SEMA3C: variants seen among roughly 807,000 people sequenced by gnomAD.
SEMA3C encodes the protein semaphorin 3C, also known as semaphorin-3C.
Under a neutral mutation model 89.4 loss-of-function variants are expected in SEMA3C, and 47 were observed. The ratio of observed to expected loss-of-function variants is 0.53; its 90% confidence interval spans 0.42 to 0.67. SEMA3C has a LOEUF of 0.67. Among genes scored for constraint, SEMA3C ranks in the 30% least tolerant of loss-of-function variants. The probability of loss-of-function intolerance (pLI) is 0.00; values close to 1 mark genes in which losing one functional copy is unlikely to be tolerated. For synonymous variants in SEMA3C, 310 were observed against 320.2 expected (o/e 0.97, Z 0.34); for missense variants, 839 against 929.1 (o/e 0.90, Z 1.26).
chr7:80,910,096 C>G (rs1052003151), intron 2 of SEMA3C, among the ~76,000 whole-genome samples: 1 of 152,140 alleles, frequency 6.6e-6, no homozygotes, highest in Non-Finnish European at 1.5e-5. Context: ...TCTATACAAG[C>G]ACTGCTCATA....
intron 2 of SEMA3C, among the ~76,000 whole-genome samples, chr7:80,845,445 A>T (rs982651204): frequency 4.6e-5 from 7 of 152,092 alleles, no homozygotes; most frequent in Non-Finnish European, 1.0e-4. Context: ...AATACAAGGC[A>T]GTATATGATA....
intron 2 of SEMA3C, among the ~76,000 whole-genome samples, chr7:80,835,451 G>A (rs770029993): frequency 1.8e-4 from 27 of 152,102 alleles, no homozygotes; most frequent in Non-Finnish European, 3.7e-4. Context: ...CAGAGATATT[G>A]CTACTGACAG....
intron 2 of SEMA3C, among the ~76,000 whole-genome samples, chr7:80,877,785 AT>A (rs1040308114): frequency 6.6e-6 from 1 of 151,354 alleles, no homozygotes; most frequent in African/African-American, 2.4e-5. Flanking sequence ...TATATTTTTA[AT>A]TTTTTTTTCA....
At chr7:80,757,166 T>C (rs372389885) in intron 15 of SEMA3C, among the ~76,000 whole-genome samples, 2 of 152,198 alleles carry the variant, frequency 1.3e-5, no homozygotes, top group Non-Finnish European at 2.9e-5. Flanking sequence ...ATAAAAACCA[T>C]AAAGCACCAT....
chr7:80,916,570 T>C, intron 2 of SEMA3C, 109 bp downstream of exon 2: 1 of 970,722 alleles, frequency 1.0e-6, no homozygotes, highest in Non-Finnish European at 1.4e-6. Flanking sequence ...GTAAATATTT[T>C]TAAAATTAAT....
At chr7:80,793,035 G>A (rs1583882557) in intron 11 of SEMA3C, among the ~76,000 whole-genome samples, 2 of 152,114 alleles carry the variant, frequency 1.3e-5, no homozygotes, top group African/African-American at 2.4e-5. Context: ...TAACTAGGCT[G>A]GTGTTTCATT....
At chr7:80,844,967 G>T (rs1029216249) in intron 2 of SEMA3C, among the ~76,000 whole-genome samples, 3 of 152,084 alleles carry the variant, frequency 2.0e-5, no homozygotes, top group African/African-American at 7.2e-5. Flanking sequence ...CTTTGTCAGG[G>T]GGTTCATGAT....
intron 15 of SEMA3C, among the ~76,000 whole-genome samples, chr7:80,755,761 T>C (rs1363341607): frequency 1.3e-5 from 2 of 152,110 alleles, no homozygotes; most frequent in African/African-American, 4.8e-5. Flanking sequence ...AAAACAAATA[T>C]GGTTGAAAAA....
At chr7:80,905,393 T>A (rs1485387477) in intron 2 of SEMA3C, among the ~76,000 whole-genome samples, 1 of 151,266 alleles carries the variant, frequency 6.6e-6, no homozygotes, top group Non-Finnish European at 1.5e-5. Flanking sequence ...CAGTTTAGGA[T>A]TTTAAATGCT....
Position 80,798,361 on chromosome 7 carries a change from G to A in SEMA3C, c.987-125C>T, listed in dbSNP as rs1385214938. 13 of 823,142 alleles carry A rather than the reference G, an allele frequency of 1.6e-5. No homozygotes were observed. The South Asian group carries it at 1.7e-4, about 11-fold the overall frequency. 51.0% of individuals were successfully genotyped at this position (823,142 alleles called of 1,614,324 possible). A position where few individuals can be genotyped will look rare whatever the true frequency, so the allele number is the denominator to read the frequency against. On this transcript the variant is annotated intron_variant, in intron 10 of 17. Coordinates refer to ENST00000265361, the MANE Select transcript of SEMA3C (RefSeq NM_006379.5). ...CACCATAGAAAAGTTAAATGTTATC[G>A]AACACATGTGAAAAGCTGAAAAACT...
rs767899846 is a variant in SEMA3C at position 80,828,767 on chromosome 7, G to GT, written c.104-23dup. ...AGTTCTGAAAGAGTGAACAGCACAAGTGTAGATACAGTATCCTGGTTCTAT... is the reference window on the plus strand; with the variant it reads ...AGTTCTGAAAGAGTGAACAGCACAAGTTGTAGATACAGTATCCTGGTTCTAT... On this transcript the variant is annotated intron_variant, in intron 2 of 17. Coordinates refer to ENST00000265361, the MANE Select transcript of SEMA3C (RefSeq NM_006379.5). The GT allele has an allele frequency of 3.2e-6, 5 of 1,559,888 alleles. No homozygotes were observed. In the African/African-American group the frequency reaches 6.8e-5, roughly 21 times the overall value.
At chr7:80,836,443 T>G (rs1790130074) in intron 2 of SEMA3C, among the ~76,000 whole-genome samples, 1 of 152,110 alleles carries the variant, frequency 6.6e-6, no homozygotes, top group African/African-American at 2.4e-5. Flanking sequence ...TTTGGGAGGC[T>G]GAGACAGGTG....
At chr7:80,856,737 C>T (rs1226418835) in intron 2 of SEMA3C, among the ~76,000 whole-genome samples, 1 of 151,972 alleles carries the variant, frequency 6.6e-6, no homozygotes, top group Non-Finnish European at 1.5e-5. Context: ...AAAACTCATC[C>T]ACTACAAACA....
At chr7:80,758,107 T>A (rs1788104291) in intron 15 of SEMA3C, among the ~76,000 whole-genome samples, 1 of 152,204 alleles carries the variant, frequency 6.6e-6, no homozygotes, top group Non-Finnish European at 1.5e-5. Flanking sequence ...GAGAAAGGAC[T>A]CTTTCCAAAG....
chr7:80,774,484 A>G (rs2117079287), intron 12 of SEMA3C, among the ~76,000 whole-genome samples: 1 of 152,320 alleles, frequency 6.6e-6, no homozygotes, highest in East Asian at 1.9e-4. Context: ...GTTTCAACAA[A>G]TTAACAGACA....
chr7:80,877,670 C>T (rs980820348), intron 2 of SEMA3C, among the ~76,000 whole-genome samples: 1 of 152,196 alleles, frequency 6.6e-6, no homozygotes, highest in African/African-American at 2.4e-5. Context: ...GGTTTTCCCC[C>T]TTTCTTGTCC....
At chr7:80,834,973 G>C (rs1250613162) in intron 2 of SEMA3C, among the ~76,000 whole-genome samples, 1 of 152,022 alleles carries the variant, frequency 6.6e-6, no homozygotes, top group Non-Finnish European at 1.5e-5. Flanking sequence ...TCTCATCAGT[G>C]GTTGGCTGAA....
intron 12 of SEMA3C, among the ~76,000 whole-genome samples, chr7:80,784,246 C>T (rs375841979): frequency 5.3e-5 from 8 of 150,476 alleles, no homozygotes; most frequent in African/African-American, 2.0e-4. Context: ...CCCTTGCCTG[C>T]TGTTTTATAG....
chr7:80,815,686 C>T (rs1033078568), intron 5 of SEMA3C, among the ~76,000 whole-genome samples: 11 of 150,694 alleles, frequency 7.3e-5, no homozygotes, highest in African/African-American at 2.4e-4. Flanking sequence ...AAAAATCCTA[C>T]AAAAAGATAC....
Sources: gnomAD v4.1 joint callset for allele counts (sites outside exome capture counted in the v4.1 genomes callset) on GRCh38, gnomAD v4.1.1 for gene constraint, MANE v1.5 for transcripts, NCBI Gene and HGNC (gene_info 2026-07-23, HGNC 2026-07-21) for gene names.